Variants in EIF2AK3 observed in about 807,000 individuals in gnomAD.
EIF2AK3 encodes eukaryotic translation initiation factor 2 alpha kinase 3.
In EIF2AK3, 50 loss-of-function variants were observed where a neutral mutation model predicts 113.5. That is an observed-to-expected ratio of 0.44 (90% confidence interval 0.35 to 0.56). The LOEUF (loss-of-function observed/expected upper bound fraction) is 0.56. EIF2AK3 is among the 20% of genes least tolerant of loss of function. EIF2AK3 has a pLI of 0.00. For synonymous variants in EIF2AK3, 448 were observed against 495.4 expected (o/e 0.90, Z 1.27); for missense variants, 1,185 against 1,378.0 (o/e 0.86, Z 2.22).
intron 1 of EIF2AK3, among the ~76,000 whole-genome samples, chr2:88,626,728 C>A (rs1410922130): frequency 6.6e-6 from 1 of 152,248 alleles, no homozygotes. Flanking sequence ...CCCGCACCTG[C>A]GAGGATGCTG....
Position 88,575,390 on chromosome 2 carries a change from C to A in EIF2AK3, c.2093G>T (p.Arg698Leu), listed in dbSNP as rs780592115. Reference protein sequence around the residue: ...SPMDAPSVKIRRMDPFATKEH... With the variant: ...SPMDAPSVKILRMDPFATKEH... ...TTTTGTAGCGAAAGGATCCATTCTGCGTATTTTAACTGATGGTGCATCCAT... is the reference window on the plus strand; with the variant it reads ...TTTTGTAGCGAAAGGATCCATTCTGAGTATTTTAACTGATGGTGCATCCAT... The change falls in exon 13 of 17, where the codon CGC becomes CTC. Residue 698 changes from arginine to leucine, a missense_variant. By Grantham distance (102) the Arg-to-Leu change is moderately radical. Coordinates refer to ENST00000303236, the MANE Select transcript of EIF2AK3 (RefSeq NM_004836.7). 1.2e-6 allele frequency: 2 copies of A among 1,613,104 alleles called. No individual in the cohort carries two copies. The highest frequency in any genetic ancestry group is 1.7e-6 in the Non-Finnish European group (2 of 1,180,004).
chr2:88,590,668 T>A (rs927042102), intron 5 of EIF2AK3, 63 bp from the exon 6 acceptor site: 23 of 1,583,840 alleles, frequency 1.5e-5, no homozygotes, highest in Admixed American at 8.7e-5. Flanking sequence ...TTCCAACCCA[T>A]AAAATACCAT....
intron 1 of EIF2AK3, among the ~76,000 whole-genome samples, chr2:88,619,094 A>G (rs1313584887): frequency 1.3e-5 from 2 of 150,848 alleles, no homozygotes; most frequent in Non-Finnish European, 2.9e-5. Flanking sequence ...GGTTCAAGCG[A>G]TTCTCCTGCC....
intron 1 of EIF2AK3, among the ~76,000 whole-genome samples, chr2:88,618,865 T>A (rs1675648626): frequency 6.6e-6 from 1 of 152,168 alleles, no homozygotes. Flanking sequence ...TTCAATGGTT[T>A]CCTAACTGCC....
At chr2:88,621,283 C>G (rs1479884837) in intron 1 of EIF2AK3, among the ~76,000 whole-genome samples, 1 of 152,210 alleles carries the variant, frequency 6.6e-6, no homozygotes, top group Non-Finnish European at 1.5e-5. Flanking sequence ...GAACACCTGC[C>G]TATTTACAGT....
chr2:88,563,850 A>G (rs1674029034), intron 14 of EIF2AK3, among the ~76,000 whole-genome samples: 1 of 152,032 alleles, frequency 6.6e-6, no homozygotes, highest in Non-Finnish European at 1.5e-5. Context: ...ATATAGATAT[A>G]CACACACACA....
At chr2:88,603,045 C>T (rs1384534136) in intron 2 of EIF2AK3, among the ~76,000 whole-genome samples, 1 of 152,026 alleles carries the variant, frequency 6.6e-6, no homozygotes, top group African/African-American at 2.4e-5. Flanking sequence ...TTGCCTAGAA[C>T]AATTACTTTC....
chr2:88,585,328 A>G (rs1474194038), intron 9 of EIF2AK3, among the ~76,000 whole-genome samples: 1 of 150,654 alleles, frequency 6.6e-6, no homozygotes. Context: ...AGGGGAGGGG[A>G]ATGGGAGGGG....
intron 2 of EIF2AK3, among the ~76,000 whole-genome samples, chr2:88,597,561 C>G (rs1386124306): frequency 6.6e-6 from 1 of 152,164 alleles, no homozygotes; most frequent in African/African-American, 2.4e-5. Context: ...GGAAATCAGG[C>G]ATGGTTATTT....
chr2:88,577,992 A>G (rs551560709), intron 11 of EIF2AK3, among the ~76,000 whole-genome samples: 22 of 152,314 alleles, frequency 1.4e-4, no homozygotes, highest in African/African-American at 3.8e-4. Flanking sequence ...TCTTTCTTGC[A>G]TTGTATTTAC....
At chr2:88,625,284 TACACACACACACAC>T (rs375827301) in intron 1 of EIF2AK3, among the ~76,000 whole-genome samples, 2,444 of 135,254 alleles carry the variant, frequency 0.018, 72 homozygotes, top group African/African-American at 0.06. Context: ...ATCGCTTACG[TACACACACACACAC>T]ACACACACAC....
At position 88,574,724 on chromosome 2, in the gene EIF2AK3, T is replaced by C; in HGVS notation, c.2759A>G (p.Gln920Arg). 6.2e-7 allele frequency: 1 copy of C among 1,614,216 alleles called. No individual in the cohort carries two copies. The highest frequency in any genetic ancestry group is 1.3e-5 in the African/African-American group (1 of 75,062). The change falls in exon 13 of 17, where the codon CAG becomes CGG. Residue 920 changes from glutamine (Q) to arginine (R), a missense_variant. By Grantham distance (43) the Gln-to-Arg change is conservative (BLOSUM62 1). Around this residue, in one of 3 missense-constraint regions of EIF2AK3, gnomAD observed 877 missense variants for 1,024.2 expected, o/e 0.86. Transcript: ENST00000303236. ...ERSVCLHIFLQIAEAVEFLHS... is the reference protein window; with the variant it reads ...ERSVCLHIFLRIAEAVEFLHS... ...AAGAAACTCCACTGCCTCTGCGATC[T>C]GCAGGAAGATGTGCAGACACACGCT...
chr2:88,626,914 C>T, intron 1 of EIF2AK3, 53 bp downstream of exon 1: 4 of 1,598,606 alleles, frequency 2.5e-6, no homozygotes, highest in South Asian at 2.2e-5. Flanking sequence ...ACCGCATCCT[C>T]CGCGGCTCGC....
chr2:88,591,252 A>G (rs772272743), intron 4 of EIF2AK3, among the ~76,000 whole-genome samples, 200 bp from the exon 5 acceptor site: 2 of 152,186 alleles, frequency 1.3e-5, no homozygotes, highest in African/African-American at 4.8e-5. Context: ...CTTCAGACAC[A>G]ATGGTTTTGA....
chr2:88,576,559 A>G lies in EIF2AK3; in HGVS notation c.2031T>C (p.Asp677=). The change falls in exon 12 of 17, where the codon GAT becomes GAC. Residue 677 remains aspartate (D), a synonymous_variant. Transcript: ENST00000303236. ...QEKMDEIWLK[D]ESTDWPLSSP... ...TGTGTAACAAAGTTAGTTACCTTTC[A>G]TCTTTCAGCCAAATTTCATCCATCT... 6.2e-7 allele frequency: 1 copy of G among 1,614,084 alleles called. No homozygotes were observed. The highest frequency in any genetic ancestry group is 8.5e-7 in the Non-Finnish European group (1 of 1,179,978).
chr2:88,588,179 C>T (rs1019356260), intron 7 of EIF2AK3, 75 bp from the exon 8 acceptor site: 14 of 1,012,306 alleles, frequency 1.4e-5, no homozygotes, highest in South Asian at 1.3e-4. Context: ...TAAAAATGCA[C>T]GTGCTTAATT....
At chr2:88,564,147 T>A (rs1425953511) in intron 14 of EIF2AK3, among the ~76,000 whole-genome samples, 1 of 152,246 alleles carries the variant, frequency 6.6e-6, no homozygotes, top group Non-Finnish European at 1.5e-5. Context: ...TGTGCAAATC[T>A]AGAACTTAAC....
chr2:88,627,373 C>A lies in EIF2AK3; in HGVS notation c.-99G>T. The A allele has an allele frequency of 1.5e-6, 2 of 1,310,806 alleles. No individual in the cohort carries two copies. The highest frequency in any genetic ancestry group is 1.8e-5 in the South Asian group (1 of 57,116). 81.2% of individuals were successfully genotyped at this position (1,310,806 alleles called of 1,614,324 possible). On this transcript the variant is annotated 5_prime_UTR_variant, in exon 1 of 17. Transcript: ENST00000303236. Reference sequence around the variant, plus strand: ...AAGAAGGCAAGGACGTGCTAGGGACCCTACTGCCGCCCCGACGGCCTGGAC... The same window carrying A: ...AAGAAGGCAAGGACGTGCTAGGGACACTACTGCCGCCCCGACGGCCTGGAC...
intron 2 of EIF2AK3, among the ~76,000 whole-genome samples, chr2:88,609,446 C>A (rs1332998660): frequency 6.6e-6 from 1 of 152,114 alleles, no homozygotes; most frequent in Non-Finnish European, 1.5e-5. Flanking sequence ...CTGTCATACA[C>A]CTGAACTAAA....
Sources: gnomAD v4.1 joint callset for allele counts (sites outside exome capture counted in the v4.1 genomes callset) on GRCh38, gnomAD v4.1.1 for gene constraint, gnomAD v4.1.1 regional missense constraint, MANE v1.5 for transcripts, NCBI Gene and HGNC (gene_info 2026-07-23, HGNC 2026-07-21) for gene names.